Variants in GRM5 observed in about 807,000 individuals in gnomAD.
The protein encoded by GRM5 is metabotropic glutamate receptor 5.
A neutral mutation model predicts 83.1 loss-of-function variants in GRM5; 19 were observed. The observed-to-expected ratio is 0.23, with a 90% CI of 0.16 to 0.34. The LOEUF is 0.34. Among genes scored for constraint, GRM5 ranks in the 10% least tolerant of loss-of-function variants. The pLI is 1.00. For missense variants in GRM5, 1,160 were observed against 1,588.3 expected, an observed-to-expected ratio of 0.73 and a Z score of 4.58; for synonymous variants, 675 against 633.6, an observed-to-expected ratio of 1.07 and a Z score of -0.98.
At chr11:88,820,893 G>A (rs1943778099) in intron 3 of GRM5, among the ~76,000 whole-genome samples, 1 of 152,116 alleles carries the variant, frequency 6.6e-6, no homozygotes, top group South Asian at 2.1e-4. Flanking sequence ...GCGAACAAAA[G>A]CACAAAAATT....
intron 3 of GRM5, among the ~76,000 whole-genome samples, chr11:88,740,766 A>G (rs1942011588): frequency 6.6e-6 from 1 of 152,108 alleles, no homozygotes; most frequent in East Asian, 1.9e-4. Context: ...TATGTGCACA[A>G]GGCATGCTCA....
intron 3 of GRM5, among the ~76,000 whole-genome samples, chr11:88,816,370 C>G (rs1020463275): frequency 6.6e-6 from 1 of 150,412 alleles, no homozygotes; most frequent in Non-Finnish European, 1.5e-5. Context: ...GAAGCCCCAT[C>G]TCTACTAAAA....
At chr11:88,689,423 C>T (rs1360226497) in intron 3 of GRM5, among the ~76,000 whole-genome samples, 1 of 151,994 alleles carries the variant, frequency 6.6e-6, no homozygotes, top group African/African-American at 2.4e-5. Context: ...ATAAGCCATA[C>T]AAAAATGGCA....
chr11:88,749,975 AC>A (rs778880654), intron 3 of GRM5, among the ~76,000 whole-genome samples: 5 of 152,172 alleles, frequency 3.3e-5, no homozygotes, highest in Non-Finnish European at 7.4e-5. Flanking sequence ...GCCAGCTACT[AC>A]AAAAACACAC....
At chr11:88,943,637 C>T (rs560225136) in intron 2 of GRM5, among the ~76,000 whole-genome samples, 7 of 152,140 alleles carry the variant, frequency 4.6e-5, no homozygotes, top group East Asian at 1.9e-4. Context: ...CCTTGTAGGA[C>T]TTTACCCTTT....
intron 3 of GRM5, among the ~76,000 whole-genome samples, chr11:88,819,735 G>A (rs1198986767): frequency 1.3e-5 from 2 of 152,106 alleles, no homozygotes; most frequent in African/African-American, 4.8e-5. Flanking sequence ...CTGAAAATGG[G>A]TGGTTTAATA....
chr11:88,701,183 C>A (rs1157564287), intron 3 of GRM5, among the ~76,000 whole-genome samples: 2 of 152,090 alleles, frequency 1.3e-5, no homozygotes, highest in Non-Finnish European at 2.9e-5. Flanking sequence ...AGTCAACAAG[C>A]AAGGAAAGAA....
chr11:88,685,156 T>C (rs1250483803), intron 3 of GRM5, among the ~76,000 whole-genome samples: 1 of 152,152 alleles, frequency 6.6e-6, no homozygotes, highest in African/African-American at 2.4e-5. Context: ...GATAGCGATA[T>C]AGACAAATAA....
chr11:88,600,705 A>T (rs1315863376), intron 5 of GRM5, among the ~76,000 whole-genome samples: 1 of 152,216 alleles, frequency 6.6e-6, no homozygotes, highest in Non-Finnish European at 1.5e-5. Context: ...GATTGTCTTC[A>T]GATGATAATG....
chr11:88,613,663 G>T (rs181557855), intron 4 of GRM5, among the ~76,000 whole-genome samples: 6 of 151,916 alleles, frequency 3.9e-5, no homozygotes, highest in Admixed American at 2.0e-4. Context: ...TTTTAAGTGG[G>T]GACATTAGCC....
chr11:88,909,563 C>G (rs1945460040), intron 2 of GRM5, among the ~76,000 whole-genome samples: 1 of 150,914 alleles, frequency 6.6e-6, no homozygotes, highest in Non-Finnish European at 1.5e-5. Context: ...CACACACACA[C>G]ACACACACAT....
chr11:88,838,868 T>TACACACAC lies in GRM5; in HGVS notation c.911+11030_911+11037dup, dbSNP rs59388840. Among the ~76,000 whole-genome samples, 839 of 144,834 alleles carry TACACACAC rather than the reference T, an allele frequency of 5.8e-3. 4 individuals are homozygous for TACACACAC. The highest frequency in any genetic ancestry group is 7.7e-3 in the Non-Finnish European group (504 of 65,632). ...CAACCCACTGCCACACCCCTTATGC[T>TACACACAC]ACACACACACACACACACACACACA... is the stretch of plus-strand genomic sequence containing the variant. On this transcript the variant is annotated intron_variant, in intron 3 of 9. Coordinates refer to ENST00000305447, the MANE Select transcript of GRM5 (RefSeq NM_001143831.3).
chr11:88,683,398 T>A (rs1315986872), intron 3 of GRM5, among the ~76,000 whole-genome samples: 6 of 152,224 alleles, frequency 3.9e-5, no homozygotes, highest in Non-Finnish European at 8.8e-5. Context: ...ATGCACATAG[T>A]CACATTCTAT....
Position 88,989,552 on chromosome 11 carries a change from A to T in GRM5, c.661+57660T>A, listed in dbSNP as rs1055436650. On this transcript the variant is annotated intron_variant, in intron 2 of 9. Coordinates refer to ENST00000305447, the MANE Select transcript of GRM5 (RefSeq NM_001143831.3). ...GAACTCTCCATCCCAAATCAACAGA[A>T]TATACATTTTTTTCAGCACCACACC... Among the ~76,000 whole-genome samples, 86 of 136,972 alleles carry T rather than the reference A, an allele frequency of 6.3e-4. 2 individuals are homozygous for T. Among genetic ancestry groups the T allele is most frequent in the African/African-American group, 2.4e-3 (83 of 35,018 alleles). 89.9% of individuals were successfully genotyped at this position (136,972 alleles called of 152,430 possible). A position where few individuals can be genotyped will look rare whatever the true frequency, so the allele number is the denominator to read the frequency against.
intron 3 of GRM5, among the ~76,000 whole-genome samples, chr11:88,778,770 A>C (rs774111157): frequency 6.6e-6 from 1 of 152,194 alleles, no homozygotes; most frequent in Non-Finnish European, 1.5e-5. Context: ...CCTGTCTTTA[A>C]GTGATCTGGA....
chr11:88,757,006 G>A (rs1298131867), intron 3 of GRM5, among the ~76,000 whole-genome samples: 1 of 151,970 alleles, frequency 6.6e-6, no homozygotes, highest in Non-Finnish European at 1.5e-5. Context: ...ACTTTTTAAA[G>A]ACAAACACAA....
chr11:88,613,697 G>A (rs536491026), intron 4 of GRM5, among the ~76,000 whole-genome samples: 2 of 152,092 alleles, frequency 1.3e-5, no homozygotes, highest in Non-Finnish European at 2.9e-5. Context: ...GATATAAATT[G>A]ATATGTGAGA....
At chr11:88,761,661 C>G (rs562092687) in intron 3 of GRM5, among the ~76,000 whole-genome samples, 12 of 152,050 alleles carry the variant, frequency 7.9e-5, no homozygotes, top group Non-Finnish European at 1.2e-4. Flanking sequence ...CTATTCCTAT[C>G]AAACTATCAA....
At chr11:88,892,105 G>A (rs1228069036) in intron 2 of GRM5, among the ~76,000 whole-genome samples, 1 of 150,862 alleles carries the variant, frequency 6.6e-6, no homozygotes, top group Non-Finnish European at 1.5e-5. Flanking sequence ...CCATCTGTGA[G>A]TAACCTTAAC....
Sources: gnomAD v4.1 joint callset for allele counts (sites outside exome capture counted in the v4.1 genomes callset) on GRCh38, gnomAD v4.1.1 for gene constraint, MANE v1.5 for transcripts, NCBI Gene and HGNC (gene_info 2026-07-23, HGNC 2026-07-21) for gene names.